KIAA1217: variants seen among roughly 807,000 people sequenced by gnomAD.
KIAA1217 encodes the protein KIAA1217.
KIAA1217 carries 88 observed loss-of-function variants against 163.9 expected under a neutral mutation model. That is an observed-to-expected ratio of 0.54 (90% confidence interval 0.45 to 0.64). The LOEUF (loss-of-function observed/expected upper bound fraction) is 0.64. Ranked by LOEUF, KIAA1217 falls within the 30% of genes least tolerant of loss-of-function variation. The pLI is 0.00. For missense variants in KIAA1217, 2,372 were observed against 2,475.0 expected (o/e 0.96, Z 0.88); for synonymous variants, 903 against 923.1 (o/e 0.98, Z 0.39).
intron 2 of KIAA1217, among the ~76,000 whole-genome samples, chr10:24,008,560 T>C (rs958179607): frequency 6.6e-6 from 1 of 152,118 alleles, no homozygotes; most frequent in African/African-American, 2.4e-5. Flanking sequence ...CTGGATTTTG[T>C]GCAGCTAGAA....
At chr10:24,342,690 A>C in intron 2 of KIAA1217, among the ~76,000 whole-genome samples, 3 of 123,736 alleles carry the variant, frequency 2.4e-5, no homozygotes, top group South Asian at 2.4e-4. Context: ...ACAGAGTCTC[A>C]CTCTGTCGCC....
At chr10:23,977,533 C>T (rs1845590280) in intron 1 of KIAA1217, among the ~76,000 whole-genome samples, 2 of 151,910 alleles carry the variant, frequency 1.3e-5, no homozygotes, top group South Asian at 4.2e-4. Flanking sequence ...GGGAAAGTAA[C>T]AAGAAAAAAG....
chr10:24,093,084 C>G (rs1410065366), intron 2 of KIAA1217, among the ~76,000 whole-genome samples: 1 of 151,648 alleles, frequency 6.6e-6, no homozygotes, highest in African/African-American at 2.4e-5. Context: ...GCTTCGACTT[C>G]CCAGGCTCAA....
In KIAA1217 at chr10:23,789,906, T is replaced by C. The variant is rs12766039; in HGVS notation, c.-321+94672T>C. Among the ~76,000 whole-genome samples, 342 of 91,978 alleles carry C rather than the reference T, an allele frequency of 3.7e-3. 1 individual carries two copies. The highest frequency in any genetic ancestry group is 0.019 in the Middle Eastern group (3 of 154). The allele number at this position is 91,978 out of a possible 152,430, so 60.3% of individuals were successfully genotyped here. On this transcript the variant is annotated intron_variant, in intron 1 of 18. Coordinates refer to the KIAA1217 transcript ENST00000376462. ...ATATATCATATATATGATATATACA[T>C]ATACATATGCATATACATGTATATA...
At chr10:24,178,854 A>C (rs1022328444) in intron 2 of KIAA1217, among the ~76,000 whole-genome samples, 7 of 152,322 alleles carry the variant, frequency 4.6e-5, no homozygotes, top group African/African-American at 1.7e-4. Flanking sequence ...GTTTCAGGGA[A>C]ATGGGACATA....
chr10:23,737,003 GA>G (rs1319227304), intron 1 of KIAA1217, among the ~76,000 whole-genome samples: 4 of 151,774 alleles, frequency 2.6e-5, no homozygotes, highest in African/African-American at 7.3e-5. Flanking sequence ...AGATCAATTT[GA>G]AAAAAAATTA....
At chr10:23,974,175 GA>G (rs1403809803) in intron 1 of KIAA1217, among the ~76,000 whole-genome samples, 1 of 152,190 alleles carries the variant, frequency 6.6e-6, no homozygotes, top group Admixed American at 6.5e-5. Context: ...GCAGAGGAGT[GA>G]AAGCGTGTGT....
In KIAA1217 at chr10:23,934,623, A is replaced by ATTTT. The variant is rs1475453455; in HGVS notation, c.-320-72601_-320-72600insTTTT. ...TATATATATGTATATATATATATAT[A>ATTTT]TATTTTTTTTTTGAGACGGAGTCTC... On this transcript the variant is annotated intron_variant, in intron 1 of 18. Coordinates refer to the KIAA1217 transcript ENST00000376462. Among the ~76,000 whole-genome samples, 79 of 61,424 alleles carry ATTTT rather than the reference A, an allele frequency of 1.3e-3. 8 individuals carry two copies. Among genetic ancestry groups the ATTTT allele is most frequent in the African/African-American group, 0.013 (65 of 5,192 alleles). The allele number at this position is 61,424 out of a possible 152,430, so 40.3% of individuals were successfully genotyped here.
intron 1 of KIAA1217, among the ~76,000 whole-genome samples, chr10:23,869,685 G>A (rs932559286): frequency 6.6e-5 from 10 of 152,100 alleles, no homozygotes; most frequent in African/African-American, 2.2e-4. Flanking sequence ...AGTTTCTTGA[G>A]TGGGAGAGAA....
intron 1 of KIAA1217, among the ~76,000 whole-genome samples, chr10:23,847,269 C>T (rs7078112): frequency 0.15 from 22,572 of 151,842 alleles, 5,161 homozygotes; most frequent in African/African-American, 0.49. Context: ...TAGGGAGGAT[C>T]TCCTCTTTTT....
At chr10:24,019,898 A>G (rs566414574) in intron 2 of KIAA1217, among the ~76,000 whole-genome samples, 127 of 152,178 alleles carry the variant, frequency 8.3e-4, no homozygotes, top group Non-Finnish European at 1.7e-3. Flanking sequence ...TTTCAGGAAT[A>G]AGTAAAATAA....
chr10:24,010,200 G>T (rs1847179255), intron 2 of KIAA1217, among the ~76,000 whole-genome samples: 1 of 150,778 alleles, frequency 6.6e-6, no homozygotes, highest in Non-Finnish European at 1.5e-5. Flanking sequence ...AAATGACAGG[G>T]TAAAATGCAA....
chr10:24,173,432 T>A (rs1476621071), intron 2 of KIAA1217, among the ~76,000 whole-genome samples: 1 of 152,212 alleles, frequency 6.6e-6, no homozygotes, highest in East Asian at 1.9e-4. Flanking sequence ...ATAATGCACT[T>A]GAATCATCCT....
chr10:24,421,298 GC>G (rs908651265), intron 3 of KIAA1217, among the ~76,000 whole-genome samples: 1 of 152,126 alleles, frequency 6.6e-6, no homozygotes, highest in Non-Finnish European at 1.5e-5. Flanking sequence ...GAACCATCAT[GC>G]CTGGCTGTAA....
intron 1 of KIAA1217, among the ~76,000 whole-genome samples, chr10:23,853,793 TA>T (rs1010192157): frequency 6.6e-6 from 1 of 152,214 alleles, no homozygotes; most frequent in Admixed American, 6.5e-5. Flanking sequence ...TTTTTTAGTT[TA>T]TTTGCGTAGA....
At position 23,918,150 on chromosome 10, in the gene KIAA1217, CTTT is replaced by C. The variant is rs559699322; in HGVS notation, c.-320-89056_-320-89054del. On this transcript the variant is annotated intron_variant, in intron 1 of 18. Coordinates refer to the KIAA1217 transcript ENST00000376462. ...ATGTCAGCCTCCAGAGTAGCTGGGA[CTTT>C]TTTTTTTTTTTTTTTTTTAAAGAGA... Among the ~76,000 whole-genome samples, 56 of 115,822 alleles carry C rather than the reference CTTT, an allele frequency of 4.8e-4. 1 individual carries two copies. Among genetic ancestry groups the C allele is most frequent in the African/African-American group, 1.7e-3 (51 of 30,640 alleles). The allele number at this position is 115,822 out of a possible 152,430, so 76.0% of individuals were successfully genotyped here. A position where few individuals can be genotyped will look rare whatever the true frequency, so the allele number is the denominator to read the frequency against.
intron 6 of KIAA1217, among the ~76,000 whole-genome samples, chr10:24,483,611 GCA>G (rs1461014616): frequency 6.6e-6 from 1 of 152,076 alleles, no homozygotes; most frequent in Non-Finnish European, 1.5e-5. Context: ...CAGCTCTAAA[GCA>G]GGCGAGAGTG....
intron 1 of KIAA1217, among the ~76,000 whole-genome samples, chr10:23,895,996 G>T (rs1448866151): frequency 8.5e-6 from 1 of 117,004 alleles, no homozygotes; most frequent in Admixed American, 1.1e-4. Context: ...CTGTTGTGGG[G>T]TGGGGGGAGG....
chr10:24,384,196 A>C (rs755893132), intron 3 of KIAA1217, among the ~76,000 whole-genome samples: 27 of 152,160 alleles, frequency 1.8e-4, no homozygotes, highest in Non-Finnish European at 3.5e-4. Context: ...GTATGTTGTC[A>C]CTTTATCTCA....
Sources: allele counts gnomAD v4.1 joint callset (sites outside exome capture counted in the v4.1 genomes callset), GRCh38; gene constraint gnomAD v4.1.1; transcripts MANE v1.5; gene names NCBI Gene and HGNC (gene_info 2026-07-23, HGNC 2026-07-21).